HEG1: variants seen among roughly 807,000 people sequenced by gnomAD.
HEG1 encodes the protein heart development protein with EGF like domains 1.
HEG1 carries 56 observed loss-of-function variants against 125.6 expected under a neutral mutation model. That is an observed-to-expected ratio of 0.45 (90% CI 0.36 to 0.56). HEG1 has a LOEUF of 0.56. HEG1 is among the 20% of genes least tolerant of loss of function. The pLI is 0.00. For synonymous variants in HEG1, 644 were observed against 668.5 expected, an observed-to-expected ratio of 0.96 and a Z score of 0.57; for missense variants, 1,523 against 1,670.0, an observed-to-expected ratio of 0.91 and a Z score of 1.53.
rs538921496 is a variant in HEG1, at chr3:124,976,391, T to A, written c.3821+1468A>T. ...TTGGCGGAGACAGGGTTTCACCATG[T>A]TGGCCAGGCTGGTCTTGAACTCCTG... On this transcript the variant is annotated intron_variant, in intron 15 of 16. Coordinates refer to ENST00000311127, the MANE Select transcript of HEG1 (RefSeq NM_020733.2). 5.9e-5 allele frequency among the ~76,000 whole-genome samples: 9 copies of A among 152,266 alleles called. No individual in the cohort carries two copies. The East Asian group carries it at 1.7e-3, about 29-fold the overall frequency.
chr3:125,044,111 A>G (rs1260792251), intron 1 of HEG1, among the ~76,000 whole-genome samples: 1 of 152,198 alleles, frequency 6.6e-6, no homozygotes, highest in African/African-American at 2.4e-5. Flanking sequence ...GGAGCCGTGG[A>G]GTGATGTTTC....
chr3:125,025,646 A>G (rs944354139), intron 3 of HEG1, among the ~76,000 whole-genome samples: 14 of 152,212 alleles, frequency 9.2e-5, no homozygotes, highest in Admixed American at 8.5e-4. Context: ...CAAATATACC[A>G]CCAAAGTAGG....
Position 125,013,058 on chromosome 3 carries a change from T to C in HEG1, c.2521A>G (p.Thr841Ala). The change falls in exon 6 of 17, where the codon ACT becomes GCT. Residue 841 changes from threonine to alanine, a missense_variant. Transcript: ENST00000311127. ...GTCTTCAGAATGGTAGTTGTGAAAG[T>C]TGGAGACATTTGTGCTAAGTTGGTG... Reference protein sequence around the residue: ...TSTNLAQMSPTFTTTILKTSQ... With the variant: ...TSTNLAQMSPAFTTTILKTSQ... 1.2e-6 allele frequency: 2 copies of C among 1,613,976 alleles called. No individual in the cohort carries two copies. Among genetic ancestry groups the C allele is most frequent in the Non-Finnish European group, 1.7e-6 (2 of 1,179,886 alleles).
intron 14 of HEG1, among the ~76,000 whole-genome samples, chr3:124,990,391 T>C (rs1431727325): frequency 6.6e-6 from 1 of 151,856 alleles, no homozygotes; most frequent in African/African-American, 2.4e-5. Context: ...CAGGCTGAAG[T>C]GCAGTGGCGT....
At chr3:125,040,347 A>G (rs1477106048) in intron 1 of HEG1, among the ~76,000 whole-genome samples, 1 of 152,200 alleles carries the variant, frequency 6.6e-6, no homozygotes, top group Non-Finnish European at 1.5e-5. Flanking sequence ...AGGGAAGGAT[A>G]GGACAAAATT....
chr3:124,979,810 C>T (rs898313772), intron 14 of HEG1, among the ~76,000 whole-genome samples: 8 of 152,190 alleles, frequency 5.3e-5, no homozygotes, highest in Non-Finnish European at 1.2e-4. Context: ...GGGCTGACAC[C>T]TTCCTCCCCT....
chr3:124,998,715 T>G (rs1215083006), intron 11 of HEG1, among the ~76,000 whole-genome samples: 1 of 152,200 alleles, frequency 6.6e-6, no homozygotes, highest in African/African-American at 2.4e-5. Context: ...TCTGTGAAGT[T>G]GTGTACAGCA....
intron 1 of HEG1, among the ~76,000 whole-genome samples, chr3:125,032,943 G>T (rs900140608): frequency 6.6e-6 from 1 of 152,110 alleles, no homozygotes; most frequent in Admixed American, 6.5e-5. Context: ...TCAGCTCAGG[G>T]AACTCCAGTG....
rs1278383969 is a variant in HEG1 at position 124,967,616 on chromosome 3, A to T, written c.*3036T>A. 1 of 152,166 alleles carries T rather than the reference A, an allele frequency of 6.6e-6. No homozygotes were observed. The highest frequency in any genetic ancestry group is 1.9e-4 in the East Asian group (1 of 5,190). The allele number at this position is 152,166 out of a possible 1,614,324, so 9.4% of individuals were successfully genotyped here. ...AGGATGGTGAGGGGTGTGCCAGGAC[A>T]GTAAGGCAGGGGGCTACAGTGGGCA... On this transcript the variant is annotated 3_prime_UTR_variant, in exon 17 of 17. Transcript: ENST00000311127.
chr3:125,003,698 T>C (rs1937032701), intron 9 of HEG1, among the ~76,000 whole-genome samples: 1 of 152,116 alleles, frequency 6.6e-6, no homozygotes, highest in African/African-American at 2.4e-5. Context: ...AAAGCCCCAG[T>C]CAAGGCTCTG....
In HEG1 at chr3:124,973,820, G is replaced by T. The variant is rs753638813; in HGVS notation, c.3907C>A (p.Arg1303Ser). ...GCTTCTCGGCCCCATTCTTGTGAGCGAGGATTTTTGGGGTATTCAGCATAC... is the reference window on the plus strand; with the variant it reads ...GCTTCTCGGCCCCATTCTTGTGAGCTAGGATTTTTGGGGTATTCAGCATAC... ...SPYAEYPKNP[R>S]SQEWGREAIE... Residue 1303 changes from arginine to serine, a missense_variant, in exon 16 of 17, where the codon CGC becomes AGC. Transcript: ENST00000311127. 6.2e-7 allele frequency: 1 copy of T among 1,613,666 alleles called. No individual in the cohort carries two copies. The highest frequency in any genetic ancestry group is 1.1e-5 in the South Asian group (1 of 91,066).
chr3:124,976,343 C>T (rs1239854630), intron 15 of HEG1, among the ~76,000 whole-genome samples: 1 of 152,100 alleles, frequency 6.6e-6, no homozygotes, highest in Non-Finnish European at 1.5e-5. Flanking sequence ...TGCACCACCA[C>T]ACCCAGCTAA....
chr3:124,982,480 G>A (rs1315478824), intron 14 of HEG1, among the ~76,000 whole-genome samples: 1 of 152,168 alleles, frequency 6.6e-6, no homozygotes, highest in Non-Finnish European at 1.5e-5. Flanking sequence ...AAAGATTTCT[G>A]GAATGAAGAG....
At chr3:124,973,692 C>T (rs373090723) in intron 16 of HEG1, 39 bp downstream of exon 16, 6 of 1,530,340 alleles carry the variant, frequency 3.9e-6, no homozygotes, top group Non-Finnish European at 5.3e-6. Flanking sequence ...CTCAGAGGAA[C>T]CGGGGGCCCT....
chr3:125,040,062 C>T (rs954401583), intron 1 of HEG1, among the ~76,000 whole-genome samples: 4 of 152,062 alleles, frequency 2.6e-5, no homozygotes, highest in African/African-American at 9.7e-5. Flanking sequence ...AGGATTTTTA[C>T]GCATAACGAA....
At chr3:125,004,394 CAGAT>C (rs1937040955) in intron 9 of HEG1, among the ~76,000 whole-genome samples, 2 of 152,186 alleles carry the variant, frequency 1.3e-5, no homozygotes, top group African/African-American at 2.4e-5. Flanking sequence ...ATCTCTGACT[CAGAT>C]AGCAGTTGAG....
At chr3:124,990,098 T>C (rs1936805726) in intron 14 of HEG1, among the ~76,000 whole-genome samples, 1 of 152,090 alleles carries the variant, frequency 6.6e-6, no homozygotes, top group Non-Finnish European at 1.5e-5. Flanking sequence ...AGTCTAAATC[T>C]TTCCTACTGT....
chr3:124,989,775 T>C (rs1485920058), intron 14 of HEG1, among the ~76,000 whole-genome samples: 2 of 152,218 alleles, frequency 1.3e-5, no homozygotes, highest in African/African-American at 4.8e-5. Flanking sequence ...CATTCTCCTC[T>C]GTCCAGTCTG....
intron 14 of HEG1, among the ~76,000 whole-genome samples, chr3:124,990,527 C>T (rs1267552267): frequency 6.6e-5 from 10 of 152,134 alleles, no homozygotes; most frequent in African/African-American, 1.9e-4. Flanking sequence ...TTACTAGAGA[C>T]GGGCTTTCAC....
Sources: allele counts gnomAD v4.1 joint callset (sites outside exome capture counted in the v4.1 genomes callset), GRCh38; gene constraint gnomAD v4.1.1; transcripts MANE v1.5; gene names NCBI Gene and HGNC (gene_info 2026-07-23, HGNC 2026-07-21).